TARS3: variants seen among roughly 807,000 people sequenced by gnomAD.
The protein encoded by TARS3 is threonyl-tRNA synthetase 3.
A neutral mutation model predicts 103.5 loss-of-function variants in TARS3; 94 were observed. That is an observed-to-expected ratio of 0.91 (90% confidence interval 0.77 to 1.08). The LOEUF (loss-of-function observed/expected upper bound fraction) is 1.08. TARS3 is among the 50% of genes least tolerant of loss of function. TARS3 has a pLI of 0.00. For synonymous variants in TARS3, 416 were observed against 355.4 expected (o/e 1.17, Z -1.92); for missense variants, 952 against 995.2 (o/e 0.96, Z 0.58).
chr15:101,703,985 G>T, intron 7 of TARS3, 48 bp from the exon 8 acceptor site: 2 of 1,355,738 alleles, frequency 1.5e-6, no homozygotes, highest in Non-Finnish European at 2.1e-6. Context: ...ACAGTGTTCT[G>T]GACTATTCAT....
intron 6 of TARS3, 32 bp from the exon 7 acceptor site, chr15:101,705,779 C>T (rs773493135): frequency 6.7e-7 from 1 of 1,501,772 alleles, no homozygotes; most frequent in Admixed American, 1.8e-5. Context: ...CACATTATTA[C>T]ACACAATGTT....
Position 101,705,682 on chromosome 15 carries a change from C to T in TARS3, c.995+1G>A. 1.9e-6 allele frequency: 3 copies of T among 1,610,268 alleles called. No homozygotes were observed. The highest frequency in any genetic ancestry group is 2.5e-6 in the Non-Finnish European group (3 of 1,177,698). ...AGCGTTTACCATGTGTGGACACAAACCTGTACACGGTGGTAGTTGCAGTGT... is the reference window on the plus strand; with the variant it reads ...AGCGTTTACCATGTGTGGACACAAATCTGTACACGGTGGTAGTTGCAGTGT... On this transcript the variant is annotated splice_donor_variant, in intron 7 of 18. Coordinates refer to ENST00000335968, the MANE Select transcript of TARS3 (RefSeq NM_152334.3). LOFTEE classifies it high-confidence loss of function.
chr15:101,675,215 C>T (rs1239611408), intron 13 of TARS3, among the ~76,000 whole-genome samples: 1 of 152,182 alleles, frequency 6.6e-6, no homozygotes, highest in African/African-American at 2.4e-5. Context: ...CTATGCACAT[C>T]TACATCTAGA....
rs12904928 is a variant in TARS3, at chr15:101,693,943, C to T, written c.1320+7143G>A. On this transcript the variant is annotated intron_variant, in intron 10 of 18. Transcript: ENST00000335968. ...AGTTTTGAGGGGTGACGGAACTGTT[C>T]TGTATCTTGATTGCTGAGGTGATAA... Among the ~76,000 whole-genome samples the T allele has an allele frequency of 1.1e-3, 163 of 152,170 alleles. 1 individual carries two copies. Among genetic ancestry groups the T allele is most frequent in the Middle Eastern group, 0.01 (3 of 294 alleles).
intron 16 of TARS3, among the ~76,000 whole-genome samples, 195 bp downstream of exon 16, chr15:101,661,517 G>A (rs1010315144): frequency 4.6e-5 from 7 of 151,872 alleles, no homozygotes; most frequent in Non-Finnish European, 1.0e-4. Context: ...CTGGCAAATC[G>A]AATAAGAATT....
chr15:101,718,422 T>G (rs1012471974), intron 3 of TARS3, among the ~76,000 whole-genome samples: 1 of 152,066 alleles, frequency 6.6e-6, no homozygotes, highest in African/African-American at 2.4e-5. Flanking sequence ...TTATCTCAGA[T>G]GAAAACAATC....
intron 8 of TARS3, among the ~76,000 whole-genome samples, chr15:101,703,478 T>C (rs1330907459): frequency 6.6e-6 from 1 of 151,882 alleles, no homozygotes; most frequent in East Asian, 1.9e-4. Flanking sequence ...TAATCACAGC[T>C]CCTCAGGAGG....
intron 15 of TARS3, among the ~76,000 whole-genome samples, chr15:101,668,365 A>G (rs901072966): frequency 3.3e-5 from 5 of 152,148 alleles, no homozygotes; most frequent in Admixed American, 3.3e-4. Context: ...GAGATTAGGG[A>G]GGGGCCGGTG....
At chr15:101,699,430 T>C (rs1899144807) in intron 10 of TARS3, 1 of 455,858 alleles carries the variant, frequency 2.2e-6, no homozygotes, top group African/African-American at 2.0e-5. Flanking sequence ...CACATCTGTC[T>C]TGCATCTATA....
chr15:101,720,479 T>C (rs1900392849), intron 3 of TARS3, among the ~76,000 whole-genome samples: 1 of 152,072 alleles, frequency 6.6e-6, no homozygotes, highest in South Asian at 2.1e-4. Context: ...AATTACTTGA[T>C]TGACGAATAA....
Position 101,685,958 on chromosome 15 carries a change from C to T in TARS3, c.1425G>A (p.Met475Ile), listed in dbSNP as rs1385928956. 1 of 1,614,062 alleles carries T rather than the reference C, an allele frequency of 6.2e-7. No homozygotes were observed. The highest frequency in any genetic ancestry group is 2.2e-5 in the East Asian group (1 of 44,882). The change falls in exon 11 of 19, where the codon ATG becomes ATA. Residue 475 changes from methionine (M) to isoleucine (I), a missense_variant. By Grantham distance (10) the Met-to-Ile change is conservative (BLOSUM62 1). Coordinates refer to ENST00000335968, the MANE Select transcript of TARS3 (RefSeq NM_152334.3). ...SGHWQHYSENMFTFEIEKDTF... is the reference protein window; with the variant it reads ...SGHWQHYSENIFTFEIEKDTF... ...TGTCCTTTTCAATCTCAAAGGTAAA[C>T]ATGTTCTCGCTGTAATGCTGCCAGT...
At chr15:101,721,033 G>A (rs1900427905) in intron 3 of TARS3, 93 bp downstream of exon 3, 8 of 1,017,076 alleles carry the variant, frequency 7.9e-6, no homozygotes, top group Non-Finnish European at 7.2e-6. Flanking sequence ...TCGTGAGAAT[G>A]GAGTAATATA....
At chr15:101,702,790 A>G (rs1899348621) in intron 8 of TARS3, among the ~76,000 whole-genome samples, 2 of 152,212 alleles carry the variant, frequency 1.3e-5, no homozygotes. Flanking sequence ...AAACAAACAA[A>G]CAAAATCAAC....
intron 4 of TARS3, among the ~76,000 whole-genome samples, chr15:101,713,429 A>C (rs745496653): frequency 6.6e-5 from 10 of 152,224 alleles, no homozygotes; most frequent in Non-Finnish European, 1.5e-4. Flanking sequence ...ACATTTACAC[A>C]CATCATTTGA....
intron 12 of TARS3, among the ~76,000 whole-genome samples, chr15:101,679,296 G>A (rs772700956): frequency 6.6e-6 from 1 of 152,064 alleles, no homozygotes; most frequent in Non-Finnish European, 1.5e-5. Flanking sequence ...ATATCCCACT[G>A]TTCTCAGGCT....
intron 3 of TARS3, among the ~76,000 whole-genome samples, chr15:101,715,251 A>C (rs1011672618): frequency 6.0e-4 from 88 of 147,534 alleles, no homozygotes; most frequent in Non-Finnish European, 9.9e-4. Flanking sequence ...GGTTCACGCC[A>C]TTCTCCTGCC....
intron 10 of TARS3, among the ~76,000 whole-genome samples, chr15:101,688,458 C>T (rs968083768): frequency 6.6e-6 from 1 of 152,120 alleles, no homozygotes; most frequent in African/African-American, 2.4e-5. Flanking sequence ...AATCATATTT[C>T]ATCCTGGAAA....
Position 101,684,785 on chromosome 15 carries a change from G to A in TARS3, c.1488-548C>T, listed in dbSNP as rs565311767. On this transcript the variant is annotated intron_variant, in intron 11 of 18. Transcript: ENST00000335968. Reference sequence around the variant, plus strand: ...CTGTTGAATGAAAGACTTCTCTCCTGCAGAAAGCACTCCTAGCTTCCATAT... The same window carrying A: ...CTGTTGAATGAAAGACTTCTCTCCTACAGAAAGCACTCCTAGCTTCCATAT... 1.1e-4 allele frequency among the ~76,000 whole-genome samples: 17 copies of A among 152,296 alleles called. 1 individual carries two copies. The South Asian group carries it at 3.5e-3, about 32-fold the overall frequency.
intron 3 of TARS3, among the ~76,000 whole-genome samples, chr15:101,719,387 GA>G (rs1900329352): frequency 6.6e-6 from 1 of 152,216 alleles, no homozygotes; most frequent in South Asian, 2.1e-4. Flanking sequence ...TGGAACATAA[GA>G]GTTGTCTCAC....
Sources: gnomAD v4.1 joint callset for allele counts (sites outside exome capture counted in the v4.1 genomes callset) on GRCh38, gnomAD v4.1.1 for gene constraint, MANE v1.5 for transcripts, NCBI Gene and HGNC (gene_info 2026-07-23, HGNC 2026-07-21) for gene names.